Variants in CERS5 observed in about 807,000 individuals in gnomAD.
CERS5 encodes ceramide synthase 5, also known as LAG1 homolog, ceramide synthase 5.
CERS5 carries 37 observed loss-of-function variants against 58.9 expected under a neutral mutation model. The ratio of observed to expected loss-of-function variants is 0.63; its 90% CI spans 0.48 to 0.83. The LOEUF is 0.83. CERS5 is among the 40% of genes least tolerant of loss of function. The probability of loss-of-function intolerance (pLI) is 0.00; values close to 1 mark genes in which losing one functional copy is unlikely to be tolerated. For synonymous variants in CERS5, 147 were observed against 177.8 expected (o/e 0.83, Z 1.38); for missense variants, 398 against 489.3 (o/e 0.81, Z 1.76).
At chr12:50,156,192 G>A (rs1156463707) in intron 1 of CERS5, among the ~76,000 whole-genome samples, 2 of 150,088 alleles carry the variant, frequency 1.3e-5, no homozygotes, top group Non-Finnish European at 3.0e-5. Flanking sequence ...ACAAGGTCAG[G>A]AGATCGAGAC....
intron 9 of CERS5, among the ~76,000 whole-genome samples, chr12:50,131,553 C>A (rs1951321976): frequency 2.0e-5 from 2 of 102,112 alleles, no homozygotes; most frequent in African/African-American, 3.9e-5. Flanking sequence ...AGTGAGACTC[C>A]ATCTCAAAAA....
intron 1 of CERS5, among the ~76,000 whole-genome samples, chr12:50,163,905 C>T (rs1266839193): frequency 3.3e-5 from 5 of 152,054 alleles, no homozygotes; most frequent in East Asian, 1.9e-4. Flanking sequence ...CTGCCCTCCT[C>T]GGCCTCCCAA....
Position 50,143,989 on chromosome 12 carries a change from T to C in CERS5, c.266A>G (p.Asn89Ser), listed in dbSNP as rs1412178163. Residue 89 changes from asparagine to serine, a missense_variant, in exon 2 of 10, where the codon AAT becomes AGT. This residue lies in a region of CERS5 where 328 missense variants were observed against 384.5 expected (regional missense o/e 0.85). Coordinates refer to ENST00000317551, the MANE Select transcript of CERS5 (RefSeq NM_147190.5). ...EDSGPYQAQP[N>S]AILEKVFISI... Reference sequence around the variant, plus strand: ...TATGAACACCTTTTCAAGGATGGCATTGGGTTGGGCCTGATAAGGACCACT... The same window carrying C: ...TATGAACACCTTTTCAAGGATGGCACTGGGTTGGGCCTGATAAGGACCACT... The C allele has an allele frequency of 5.6e-6, 9 of 1,612,592 alleles. No homozygotes were observed. The highest frequency in any genetic ancestry group is 5.5e-5 in the South Asian group (5 of 91,034).
chr12:50,130,808 T>TCTAA, intron 9 of CERS5, 114 bp from the exon 10 acceptor site: 1 of 884,792 alleles, frequency 1.1e-6, no homozygotes. Context: ...TCTGATGACA[T>TCTAA]CTAACTCAAA....
At chr12:50,162,252 T>C (rs1020852899) in intron 1 of CERS5, among the ~76,000 whole-genome samples, 1 of 147,706 alleles carries the variant, frequency 6.8e-6, no homozygotes, top group Non-Finnish European at 1.5e-5. Context: ...GTTCTTCAAA[T>C]ACTAGAATAC....
chr12:50,165,638 A>G (rs990320802), intron 1 of CERS5: 2 of 172,594 alleles, frequency 1.2e-5, no homozygotes, highest in African/African-American at 4.8e-5. Flanking sequence ...AGATTTTGAA[A>G]GACTTGAGTC....
At chr12:50,151,965 A>C (rs937009734) in intron 1 of CERS5, among the ~76,000 whole-genome samples, 2 of 152,162 alleles carry the variant, frequency 1.3e-5, no homozygotes, top group Non-Finnish European at 2.9e-5. Flanking sequence ...TACTAATATT[A>C]TCAAATAACG....
chr12:50,156,755 C>A (rs950891717), intron 1 of CERS5, among the ~76,000 whole-genome samples: 35 of 152,032 alleles, frequency 2.3e-4, no homozygotes, highest in Non-Finnish European at 8.8e-5. Flanking sequence ...ATAGGAATCT[C>A]AGGAGTCAAA....
chr12:50,131,481 C>T (rs761913779), intron 9 of CERS5, among the ~76,000 whole-genome samples: 4 of 150,104 alleles, frequency 2.7e-5, no homozygotes, highest in Non-Finnish European at 5.9e-5. Context: ...ATCTCTTGAA[C>T]CCCGGAGGTG....
chr12:50,140,001 G>A (rs1951880187), intron 4 of CERS5, among the ~76,000 whole-genome samples: 1 of 151,588 alleles, frequency 6.6e-6, no homozygotes, highest in Non-Finnish European at 1.5e-5. Flanking sequence ...GGGAGTACAG[G>A]GGTGAGCCAC....
At chr12:50,156,749 G>C (rs1167502889) in intron 1 of CERS5, among the ~76,000 whole-genome samples, 1 of 152,046 alleles carries the variant, frequency 6.6e-6, no homozygotes, top group Non-Finnish European at 1.5e-5. Context: ...TACAGCATAG[G>C]AATCTCAGGA....
intron 1 of CERS5, chr12:50,147,493 C>T (rs1378663310): frequency 6.6e-6 from 1 of 151,718 alleles, no homozygotes; most frequent in Non-Finnish European, 1.5e-5. Flanking sequence ...CAGCATTTCT[C>T]AAAGTGTGGT....
At chr12:50,144,931 G>A in intron 1 of CERS5, 1 of 467,770 alleles carries the variant, frequency 2.1e-6, no homozygotes, top group Non-Finnish European at 3.7e-6. Flanking sequence ...GTCAGGAGTT[G>A]GAGACCAGCC....
At chr12:50,132,894 C>A in intron 9 of CERS5, 1 of 1,277,474 alleles carries the variant, frequency 7.8e-7, no homozygotes, top group Non-Finnish European at 1.0e-6. Context: ...GAAAGGAGAG[C>A]AGGAGGAAAG....
Position 50,133,772 on chromosome 12 carries a change from C to T in CERS5, c.1029+774G>A, listed in dbSNP as rs1300217547. On this transcript the variant is annotated intron_variant, in intron 9 of 9. Coordinates refer to ENST00000317551, the MANE Select transcript of CERS5 (RefSeq NM_147190.5). ...CTTTCCTCTTGCGTCTAAGTCACAT[C>T]TTAAAAGGTAAAACAGGCAGGCCAG... The T allele has an allele frequency of 3.0e-6, 3 of 985,590 alleles. No homozygotes were observed. The African/African-American group carries it at 5.2e-5, about 17-fold the overall frequency. 61.1% of individuals were successfully genotyped at this position (985,590 alleles called of 1,614,324 possible).
chr12:50,166,606 A>G (rs572213289), intron 1 of CERS5, among the ~76,000 whole-genome samples: 3 of 152,250 alleles, frequency 2.0e-5, no homozygotes, highest in Admixed American at 1.3e-4. Context: ...GTTCCCCCCA[A>G]TTCTCGGAAA....
chr12:50,135,238 GGAGA>G (rs1171985884), intron 8 of CERS5, among the ~76,000 whole-genome samples: 4 of 81,648 alleles, frequency 4.9e-5, no homozygotes, highest in Admixed American at 1.2e-4. Flanking sequence ...GGACAGGGAG[GGAGA>G]GAGAGAGGAG....
At chr12:50,164,446 T>G (rs1840704386) in intron 1 of CERS5, among the ~76,000 whole-genome samples, 3 of 151,396 alleles carry the variant, frequency 2.0e-5, no homozygotes, top group Admixed American at 2.0e-4. Context: ...ACAATAAGAG[T>G]GGAGTGGTCT....
In CERS5 at chr12:50,137,720, G is replaced by A. The variant is rs779197897; in HGVS notation, c.636+8C>T. On this transcript the variant is annotated splice_region_variant and intron_variant, in intron 6 of 9. Transcript: ENST00000317551. ...AAGTTGGGGAATTGAGGGAGCCAAC[G>A]TCCTTACCTTTCTTTTAATGTCTGT... 9.1e-6 allele frequency: 14 copies of A among 1,536,614 alleles called. No homozygotes were observed. The highest frequency in any genetic ancestry group is 1.7e-4 in the Middle Eastern group (1 of 5,896).
Sources: allele counts gnomAD v4.1 joint callset (sites outside exome capture counted in the v4.1 genomes callset), GRCh38; gene constraint gnomAD v4.1.1; regional missense constraint gnomAD v4.1.1; transcripts MANE v1.5; gene names NCBI Gene and HGNC (gene_info 2026-07-23, HGNC 2026-07-21).